Variants in BTBD9 observed in about 807,000 individuals in gnomAD.
BTBD9 encodes BTB domain containing 9.
A neutral mutation model predicts 64.3 loss-of-function variants in BTBD9; 49 were observed. The observed-to-expected ratio is 0.76, with a 90% CI of 0.61 to 0.97. The LOEUF (loss-of-function observed/expected upper bound fraction) is 0.97. Among genes scored for constraint, BTBD9 ranks in the 50% least tolerant of loss-of-function variants. The pLI, the probability that BTBD9 is intolerant of heterozygous loss-of-function variation, is 0.00. For missense variants in BTBD9, 598 were observed against 762.1 expected, an observed-to-expected ratio of 0.78 and a Z score of 2.53; for synonymous variants, 260 against 274.7, an observed-to-expected ratio of 0.95 and a Z score of 0.53.
chr6:38,613,224 C>G lies in BTBD9; in HGVS notation c.-27-15103G>C, dbSNP rs527500182. ...CTATTAGAAATTTTAAAATTACATA[C>G]AAGGCTTGCGTTTGTAACTCACATT... is the stretch of plus-strand genomic sequence containing the variant. On this transcript the variant is annotated intron_variant, in intron 1 of 10. Transcript: ENST00000481247. Among the ~76,000 whole-genome samples the G allele has an allele frequency of 2.6e-5, 4 of 152,136 alleles. No homozygotes were observed. In the South Asian group the frequency reaches 8.3e-4, roughly 32 times the overall value.
intron 9 of BTBD9, among the ~76,000 whole-genome samples, chr6:38,241,821 C>T (rs571188806): frequency 2.0e-5 from 3 of 152,080 alleles, no homozygotes; most frequent in East Asian, 1.9e-4. Context: ...AGTCTCTTTT[C>T]GTGGAAGGAA....
chr6:38,406,492 C>T (rs1767170716), intron 6 of BTBD9, among the ~76,000 whole-genome samples: 1 of 152,160 alleles, frequency 6.6e-6, no homozygotes, highest in South Asian at 2.1e-4. Flanking sequence ...TTAGGGAATA[C>T]ATTTTCATTT....
intron 6 of BTBD9, chr6:38,482,136 C>T (rs1445112467): frequency 2.0e-5 from 3 of 152,238 alleles, no homozygotes; most frequent in Admixed American, 1.3e-4. Flanking sequence ...TGTTCTCACT[C>T]GTTTGGGCAC....
At chr6:38,608,465 G>A (rs1465240747) in intron 1 of BTBD9, among the ~76,000 whole-genome samples, 1 of 152,118 alleles carries the variant, frequency 6.6e-6, no homozygotes, top group Non-Finnish European at 1.5e-5. Flanking sequence ...TAACATTCTT[G>A]CTCAGATTTA....
At chr6:38,297,633 C>T (rs1762206408) in intron 7 of BTBD9, among the ~76,000 whole-genome samples, 1 of 152,072 alleles carries the variant, frequency 6.6e-6, no homozygotes, top group African/African-American at 2.4e-5. Flanking sequence ...TATCATGTCA[C>T]TTTCTATTTT....
chr6:38,293,584 A>G (rs960321791), intron 7 of BTBD9, among the ~76,000 whole-genome samples: 18 of 152,236 alleles, frequency 1.2e-4, no homozygotes, highest in Admixed American at 5.2e-4. Context: ...TCCCTATTTA[A>G]TAAATGGTGC....
chr6:38,392,087 T>A (rs1005252643), intron 6 of BTBD9, among the ~76,000 whole-genome samples: 19 of 151,980 alleles, frequency 1.3e-4, no homozygotes, highest in South Asian at 2.1e-4. Context: ...CCAAACAAAG[T>A]CCAGAATGGC....
intron 6 of BTBD9, among the ~76,000 whole-genome samples, chr6:38,483,911 C>T (rs1771278132): frequency 6.6e-6 from 1 of 152,176 alleles, no homozygotes; most frequent in African/African-American, 2.4e-5. Context: ...TCCCCCATTC[C>T]AATTTTGTCA....
intron 6 of BTBD9, among the ~76,000 whole-genome samples, chr6:38,438,803 A>C (rs534663712): frequency 1.3e-5 from 2 of 152,336 alleles, no homozygotes; most frequent in South Asian, 4.1e-4. Flanking sequence ...TGTGGTGATC[A>C]ATACTATGCA....
chr6:38,350,107 G>C (rs150993845), intron 6 of BTBD9, among the ~76,000 whole-genome samples: 1 of 152,064 alleles, frequency 6.6e-6, no homozygotes, highest in Non-Finnish European at 1.5e-5. Flanking sequence ...CCAGTGACGT[G>C]GTTCTTTTTT....
At chr6:38,480,796 T>C (rs1771104606) in intron 6 of BTBD9, among the ~76,000 whole-genome samples, 1 of 152,110 alleles carries the variant, frequency 6.6e-6, no homozygotes, top group African/African-American at 2.4e-5. Flanking sequence ...CAGTTTTAGA[T>C]CCAGTGCCTA....
intron 6 of BTBD9, among the ~76,000 whole-genome samples, chr6:38,537,036 T>G (rs1276575019): frequency 1.3e-5 from 2 of 152,208 alleles, no homozygotes; most frequent in Non-Finnish European, 2.9e-5. Context: ...CCATTTACCC[T>G]GAGGTGATTA....
chr6:38,390,725 T>C (rs1393205448), intron 6 of BTBD9, among the ~76,000 whole-genome samples: 1 of 152,222 alleles, frequency 6.6e-6, no homozygotes, highest in Non-Finnish European at 1.5e-5. Context: ...ATGGCTCCAC[T>C]CTCATTACAA....
In BTBD9 at chr6:38,187,899, C is replaced by T. The variant is rs117616309; in HGVS notation, c.1641+4620G>A. On this transcript the variant is annotated intron_variant, in intron 10 of 10. Transcript: ENST00000481247. ...ATGGAATGCCGCAGGAAATCAGAAG[C>T]GTGCCAGAGCAGGTGATCAAGAAAT... Among the ~76,000 whole-genome samples, 222 of 151,834 alleles carry T rather than the reference C, an allele frequency of 1.5e-3. 3 individuals carry two copies. The highest frequency in any genetic ancestry group is 0.011 in the Admixed American group (172 of 15,250).
chr6:38,417,943 G>A (rs1767749669), intron 6 of BTBD9, among the ~76,000 whole-genome samples: 1 of 152,110 alleles, frequency 6.6e-6, no homozygotes, highest in Non-Finnish European at 1.5e-5. Flanking sequence ...TTCCCAAAGG[G>A]GAAGATTTTT....
intron 6 of BTBD9, among the ~76,000 whole-genome samples, chr6:38,543,443 T>C (rs1774379196): frequency 6.6e-6 from 1 of 152,352 alleles, no homozygotes; most frequent in East Asian, 1.9e-4. Context: ...ATTCCAGTGA[T>C]TGGCACTTAG....
intron 9 of BTBD9, among the ~76,000 whole-genome samples, chr6:38,227,971 G>A (rs551866086): frequency 2.0e-5 from 3 of 152,292 alleles, no homozygotes; most frequent in East Asian, 3.9e-4. Context: ...GGAGAGTTGG[G>A]GAGTAGGGAT....
chr6:38,217,467 T>A lies in BTBD9; in HGVS notation c.1563-24870A>T, dbSNP rs187599504. Among the ~76,000 whole-genome samples, 380 of 151,984 alleles carry A rather than the reference T, an allele frequency of 2.5e-3. 2 individuals carry two copies. Among genetic ancestry groups the A allele is most frequent in the African/African-American group, 8.4e-3 (347 of 41,440 alleles). On this transcript the variant is annotated intron_variant, in intron 9 of 10. Coordinates refer to ENST00000481247, the MANE Select transcript of BTBD9 (RefSeq NM_001099272.2). ...GGAAGACTTAGGAAGATAATTTTAG[T>A]GACAGTGAGGATGAGGGACTGACAT... is the stretch of plus-strand genomic sequence containing the variant.
At chr6:38,216,682 C>T (rs1763018218) in intron 9 of BTBD9, among the ~76,000 whole-genome samples, 1 of 152,192 alleles carries the variant, frequency 6.6e-6, no homozygotes. Context: ...AACCACTATA[C>T]AATGAACTGT....
Sources: gnomAD v4.1 joint callset for allele counts (sites outside exome capture counted in the v4.1 genomes callset) on GRCh38, gnomAD v4.1.1 for gene constraint, MANE v1.5 for transcripts, NCBI Gene and HGNC (gene_info 2026-07-23, HGNC 2026-07-21) for gene names.